LRCH2: variants seen among roughly 807,000 people sequenced by gnomAD.
LRCH2 encodes the protein leucine-rich repeat and calponin homology domain-containing protein 2.
In LRCH2, 38 loss-of-function variants were observed where a neutral mutation model predicts 68.9. That is an observed-to-expected ratio of 0.55 (90% CI 0.43 to 0.72). LRCH2 has a LOEUF of 0.72. Among genes scored for constraint, LRCH2 ranks in the 30% least tolerant of loss-of-function variants. LRCH2 has a pLI of 0.00. For synonymous variants in LRCH2, 191 were observed against 208.1 expected (o/e 0.92, Z 0.71); for missense variants, 528 against 572.9 (o/e 0.92, Z 0.80).
chrX:115,184,170 T>G (rs1034064938), intron 3 of LRCH2, among the ~76,000 whole-genome samples: 2 of 112,197 alleles, frequency 1.8e-5, no homozygotes, highest in African/African-American at 3.2e-5. Context: ...AAGTATTTCT[T>G]AAAGTTTGTA....
At chrX:115,223,444 ATT>A (rs1202226845) in intron 1 of LRCH2, among the ~76,000 whole-genome samples, 1,293 of 38,090 alleles carry the variant, frequency 0.034, 20 homozygotes, top group African/African-American at 0.078. Flanking sequence ...TGAATATAGA[ATT>A]TTTTTTTTAA....
intron 14 of LRCH2, among the ~76,000 whole-genome samples, chrX:115,133,780 T>C (rs2072265839): frequency 8.9e-6 from 1 of 111,769 alleles, no homozygotes; most frequent in South Asian, 3.8e-4. Context: ...AGTTGTTCCC[T>C]ATCTCCTATT....
At chrX:115,192,949 G>C (rs2084191924) in intron 1 of LRCH2, 1 of 272,059 alleles carries the variant, frequency 3.7e-6, no homozygotes, top group South Asian at 5.1e-5. Flanking sequence ...CCTGATAAAT[G>C]AGGCAAACAG....
intron 5 of LRCH2, among the ~76,000 whole-genome samples, chrX:115,178,239 C>T (rs1556551549): frequency 9.0e-6 from 1 of 111,306 alleles, no homozygotes; most frequent in Non-Finnish European, 1.9e-5. Context: ...GGGCTGAGGG[C>T]AAGAATCTGA....
intron 1 of LRCH2, among the ~76,000 whole-genome samples, chrX:115,231,940 G>A (rs1433477184): frequency 9.0e-6 from 1 of 111,622 alleles, no homozygotes; most frequent in Non-Finnish European, 1.9e-5. Flanking sequence ...AGATTCTTGT[G>A]GACTAAGGGA....
intron 1 of LRCH2, among the ~76,000 whole-genome samples, chrX:115,215,781 A>C (rs2073037949): frequency 9.3e-6 from 1 of 107,993 alleles, no homozygotes; most frequent in South Asian, 4.0e-4. Context: ...AAAAAAAAAA[A>C]AAAAAAAAAA....
chrX:115,157,305 T>C (rs782627405), intron 11 of LRCH2, among the ~76,000 whole-genome samples: 10 of 110,724 alleles, frequency 9.0e-5, no homozygotes, highest in Admixed American at 7.8e-4. Flanking sequence ...TTAATGTTAC[T>C]ATATATAAAT....
chrX:115,174,299 C>T lies in LRCH2; in HGVS notation c.865-3867G>A, dbSNP rs782754581. Among the ~76,000 whole-genome samples the T allele has an allele frequency of 4.5e-5, 5 of 110,729 alleles. No individual in the cohort carries two copies. The East Asian group carries it at 1.4e-3, about 32-fold the overall frequency. On this transcript the variant is annotated intron_variant, in intron 5 of 20. Coordinates refer to ENST00000317135, the MANE Select transcript of LRCH2 (RefSeq NM_020871.4). ...TATTAACTATTATCAGCATGATATA[C>T]ATTAGGTCCTCAGTACTTATTCATC...
At chrX:115,203,784 T>C (rs2072946295) in intron 1 of LRCH2, among the ~76,000 whole-genome samples, 1 of 112,368 alleles carries the variant, frequency 8.9e-6, no homozygotes, top group African/African-American at 3.2e-5. Flanking sequence ...CCGTCGCTGG[T>C]TTCAGGGGAT....
At chrX:115,170,454 T>G in intron 5 of LRCH2, 22 bp from the exon 6 acceptor site, 1 of 1,039,195 alleles carries the variant, frequency 9.6e-7, no homozygotes, top group East Asian at 3.5e-5. Context: ...AAATAAAGAT[T>G]TAATTATATA....
intron 1 of LRCH2, among the ~76,000 whole-genome samples, chrX:115,212,697 G>A (rs1209803920): frequency 9.1e-6 from 1 of 109,504 alleles, no homozygotes; most frequent in Admixed American, 9.7e-5. Context: ...TTGGGTGGGG[G>A]CAGTGGCTCA....
At chrX:115,210,134 A>G (rs2072996371) in intron 1 of LRCH2, among the ~76,000 whole-genome samples, 4 of 112,379 alleles carry the variant, frequency 3.6e-5, no homozygotes, top group South Asian at 7.5e-4. Context: ...AGAAATTTGC[A>G]TAAGTATCCA....
At chrX:115,196,375 C>T (rs2072887370) in intron 1 of LRCH2, among the ~76,000 whole-genome samples, 1 of 111,228 alleles carries the variant, frequency 9.0e-6, no homozygotes, top group African/African-American at 3.3e-5. Context: ...AGCATTTCAC[C>T]AGGGGCATGA....
chrX:115,186,888 G>A (rs932408874), intron 2 of LRCH2, among the ~76,000 whole-genome samples: 2 of 100,816 alleles, frequency 2.0e-5, no homozygotes, highest in African/African-American at 3.7e-5. Context: ...GCGCGATCTC[G>A]GCTCACTGCA....
intron 14 of LRCH2, among the ~76,000 whole-genome samples, chrX:115,133,189 T>G (rs1022008732): frequency 1.1e-4 from 12 of 112,365 alleles, no homozygotes; most frequent in African/African-American, 3.9e-4. Context: ...CTTTGCAAGA[T>G]GCAAAGAGGT....
chrX:115,155,182 T>A (rs2072465619), intron 12 of LRCH2, among the ~76,000 whole-genome samples: 1 of 109,565 alleles, frequency 9.1e-6, no homozygotes, highest in Admixed American at 9.8e-5. Context: ...ACCATCACTA[T>A]AATATTAAGT....
intron 15 of LRCH2, among the ~76,000 whole-genome samples, 164 bp downstream of exon 15, chrX:115,129,991 T>A (rs782018751): frequency 1.8e-5 from 2 of 111,289 alleles, no homozygotes; most frequent in African/African-American, 3.3e-5. Flanking sequence ...ATGATTAAAT[T>A]AATAATTGTA....
chrX:115,164,296 G>T (rs2072541763), intron 10 of LRCH2, among the ~76,000 whole-genome samples: 1 of 111,508 alleles, frequency 9.0e-6, no homozygotes, highest in South Asian at 3.7e-4. Context: ...ATACTAATAT[G>T]TCATCTTTAT....
chrX:115,192,620 G>A (rs782143422), intron 1 of LRCH2: 9 of 1,170,103 alleles, frequency 7.7e-6, no homozygotes, highest in African/African-American at 1.8e-5. Flanking sequence ...CGCTTCGAGA[G>A]GGGGGAAGGC....
Sources: gnomAD v4.1 joint callset for allele counts (sites outside exome capture counted in the v4.1 genomes callset) on GRCh38, gnomAD v4.1.1 for gene constraint, MANE v1.5 for transcripts, NCBI Gene and HGNC (gene_info 2026-07-23, HGNC 2026-07-21) for gene names.